Variants in PROK2 observed in about 807,000 individuals in gnomAD.
PROK2 encodes the protein prokineticin-2.
In PROK2, 8 loss-of-function variants were observed where a neutral mutation model predicts 14.2. The observed-to-expected ratio is 0.56, with a 90% CI of 0.33 to 1.02. The LOEUF is 1.02. PROK2 is among the 50% of genes least tolerant of loss of function. The pLI is 0.03. For missense variants in PROK2, 154 were observed against 160.4 expected (o/e 0.96, Z 0.22); for synonymous variants, 59 against 60.7 (o/e 0.97, Z 0.13).
In PROK2 at chr3:71,784,240, C is replaced by T. The variant is rs1160215557; in HGVS notation, c.96+717G>A. On this transcript the variant is annotated intron_variant, in intron 1 of 3. Transcript: ENST00000295619. The stretch of plus-strand genomic sequence containing the variant: ...AGAGAACTGAACTAGTTCCTACTTA[C>T]AGAAAAGATGAAAACATCGTCTCTA... Among the ~76,000 whole-genome samples the T allele has an allele frequency of 3.3e-5, 5 of 152,304 alleles. No homozygotes were observed. The South Asian group carries it at 8.3e-4, about 25-fold the overall frequency.
At chr3:71,777,756 G>A (rs1168905987) in intron 2 of PROK2, among the ~76,000 whole-genome samples, 4 of 151,560 alleles carry the variant, frequency 2.6e-5, no homozygotes, top group East Asian at 1.9e-4. Context: ...AGCTTTCAAA[G>A]CTAAACATTA....
intron 2 of PROK2, among the ~76,000 whole-genome samples, chr3:71,780,582 T>C (rs1225857612): frequency 6.6e-6 from 1 of 152,212 alleles, no homozygotes; most frequent in Non-Finnish European, 1.5e-5. Context: ...GCAACGCCAC[T>C]GGAGGCACTT....
At chr3:71,773,140 C>T (rs2050093410) in intron 3 of PROK2, among the ~76,000 whole-genome samples, 1 of 152,138 alleles carries the variant, frequency 6.6e-6, no homozygotes, top group Admixed American at 6.5e-5. Flanking sequence ...CCACCACGCC[C>T]AACTAACTTT....
At chr3:71,773,830 C>T (rs999526191) in intron 3 of PROK2, among the ~76,000 whole-genome samples, 1 of 152,186 alleles carries the variant, frequency 6.6e-6, no homozygotes, top group Non-Finnish European at 1.5e-5. Context: ...CAACCGACAG[C>T]GAGCATGGTG....
chr3:71,781,805 A>G (rs1185734607), intron 1 of PROK2, among the ~76,000 whole-genome samples: 2 of 152,336 alleles, frequency 1.3e-5, no homozygotes, highest in African/African-American at 4.8e-5. Flanking sequence ...AAAGTGGGCT[A>G]AATTCTAGCC....
chr3:71,781,736 C>G, intron 1 of PROK2, 144 bp from the exon 2 acceptor site: 1 of 922,642 alleles, frequency 1.1e-6, no homozygotes, highest in South Asian at 1.6e-5. Context: ...TGATAACCTT[C>G]ATTTACTTGT....
chr3:71,775,000 C>T (rs2322142), intron 2 of PROK2, among the ~76,000 whole-genome samples: 38,212 of 152,046 alleles, frequency 0.25, 5,094 homozygotes, highest in East Asian at 0.4. Flanking sequence ...CTGCAAATGT[C>T]TTCATTTGTC....
intron 1 of PROK2, among the ~76,000 whole-genome samples, chr3:71,784,424 T>C (rs1320425078): frequency 1.3e-5 from 2 of 152,142 alleles, no homozygotes; most frequent in African/African-American, 4.8e-5. Context: ...ACAATTGCTT[T>C]TCAAAGCGCT....
intron 3 of PROK2, among the ~76,000 whole-genome samples, chr3:71,773,149 TTTGCAGTTTTAGTAGAAACAGG>T (rs758421830): frequency 2.9e-4 from 44 of 152,212 alleles, no homozygotes; most frequent in South Asian, 8.3e-4. Flanking sequence ...CCAACTAACT[TTTGCAGTTTTAGTAGAAACAGG>T]GTTTCACCTT....
chr3:71,778,025 C>G (rs1357838516), intron 2 of PROK2, among the ~76,000 whole-genome samples: 1 of 151,912 alleles, frequency 6.6e-6, no homozygotes, highest in Non-Finnish European at 1.5e-5. Context: ...GAAACCCCGT[C>G]TCTACGAAAA....
At position 71,772,797 on chromosome 3, in the gene PROK2, G is replaced by A; in HGVS notation, c.317C>T (p.Thr106Ile). The change falls in exon 4 of 4, where the codon ACT becomes ATT. Residue 106 changes from threonine (T) to isoleucine (I), a missense_variant. Physicochemically the swap from Thr to Ile is moderately conservative, Grantham distance 89. Coordinates refer to ENST00000295619, the MANE Select transcript of PROK2 (RefSeq NM_001126128.2). Reference sequence around the variant, plus strand: ...GGCCAAGCCTGGCAGACATGGGCAAGTGTGATGCATCCTCCGCCCAAAAAA... The same window carrying A: ...GGCCAAGCCTGGCAGACATGGGCAAATGTGATGCATCCTCCGCCCAAAAAA... Reference protein sequence around the residue: ...VPFFGRRMHHTCPCLPGLACL... With the variant: ...VPFFGRRMHHICPCLPGLACL... 6.2e-7 allele frequency: 1 copy of A among 1,614,048 alleles called. No individual in the cohort carries two copies. Among genetic ancestry groups the A allele is most frequent in the East Asian group, 2.2e-5 (1 of 44,890 alleles).
intron 2 of PROK2, 87 bp from the exon 3 acceptor site, chr3:71,774,594 A>G: frequency 1.4e-6 from 2 of 1,480,292 alleles, no homozygotes; most frequent in South Asian, 2.6e-5. Flanking sequence ...CATGTAGTGA[A>G]CTGGCGGAGC....
chr3:71,776,562 G>A lies in PROK2; in HGVS notation c.223-2055C>T, dbSNP rs570860264. On this transcript the variant is annotated intron_variant, in intron 2 of 3. Coordinates refer to ENST00000295619, the MANE Select transcript of PROK2 (RefSeq NM_001126128.2). ...CCAGCTAATTTTTGTATTTTTAGTCGAGACAGGGTTTTGCCATGTTGCCCA... is the reference window on the plus strand; with the variant it reads ...CCAGCTAATTTTTGTATTTTTAGTCAAGACAGGGTTTTGCCATGTTGCCCA... Among the ~76,000 whole-genome samples the A allele has an allele frequency of 1.3e-4, 19 of 151,916 alleles. No homozygotes were observed. In the South Asian group the frequency reaches 2.9e-3, roughly 23 times the overall value.
intron 2 of PROK2, 84 bp downstream of exon 2, chr3:71,781,383 G>C: frequency 3.3e-6 from 5 of 1,530,384 alleles, no homozygotes; most frequent in Non-Finnish European, 4.5e-6. Flanking sequence ...TGTCGAGCAC[G>C]TTACCCAGTC....
At chr3:71,784,010 C>T (rs1378189843) in intron 1 of PROK2, among the ~76,000 whole-genome samples, 1 of 152,176 alleles carries the variant, frequency 6.6e-6, no homozygotes, top group Non-Finnish European at 1.5e-5. Context: ...CAAACATAGA[C>T]GTTTTATTTA....
At chr3:71,775,465 T>G (rs754020691) in intron 2 of PROK2, among the ~76,000 whole-genome samples, 1 of 152,202 alleles carries the variant, frequency 6.6e-6, no homozygotes, top group Non-Finnish European at 1.5e-5. Context: ...CATGACACTA[T>G]GATCATTCTC....
intron 2 of PROK2, among the ~76,000 whole-genome samples, chr3:71,778,432 A>T (rs531092238): frequency 1.8e-4 from 28 of 152,314 alleles, no homozygotes; most frequent in Admixed American, 1.3e-3. Flanking sequence ...GTACAAGTTA[A>T]TTGGTACATG....
chr3:71,779,240 G>A (rs1415869581), intron 2 of PROK2, among the ~76,000 whole-genome samples: 2 of 152,198 alleles, frequency 1.3e-5, no homozygotes, highest in Non-Finnish European at 2.9e-5. Flanking sequence ...ACTACAAAGT[G>A]TTCAAATTAA....
In PROK2 at chr3:71,777,962, G is replaced by A. The variant is rs1001865822; in HGVS notation, c.223-3455C>T. ...TGTAATCCCAACACTTTGGGAGGCC[G>A]AGGCAGGCAGATCACGAGGTCAGGA... On this transcript the variant is annotated intron_variant, in intron 2 of 3. Transcript: ENST00000295619. Among the ~76,000 whole-genome samples the A allele has an allele frequency of 2.6e-5, 4 of 151,950 alleles. No individual in the cohort carries two copies. In the South Asian group the frequency reaches 6.2e-4, roughly 24 times the overall value.
Sources: allele counts gnomAD v4.1 joint callset (sites outside exome capture counted in the v4.1 genomes callset), GRCh38; gene constraint gnomAD v4.1.1; transcripts MANE v1.5; gene names NCBI Gene and HGNC (gene_info 2026-07-23, HGNC 2026-07-21).